MAN2A1: variants seen among roughly 807,000 people sequenced by gnomAD.
MAN2A1 encodes the protein alpha-mannosidase 2.
A neutral mutation model predicts 142.6 loss-of-function variants in MAN2A1; 76 were observed. That is an observed-to-expected ratio of 0.53 (90% confidence interval 0.44 to 0.65). MAN2A1 has a LOEUF of 0.65. Among genes scored for constraint, MAN2A1 ranks in the 30% least tolerant of loss-of-function variants. MAN2A1 has a pLI of 0.00. For synonymous variants in MAN2A1, 559 were observed against 473.2 expected, an observed-to-expected ratio of 1.18 and a Z score of -2.35; for missense variants, 1,311 against 1,365.1, an observed-to-expected ratio of 0.96 and a Z score of 0.62.
At chr5:109,804,832 A>G (rs1422159972) in intron 12 of MAN2A1, among the ~76,000 whole-genome samples, 1 of 152,158 alleles carries the variant, frequency 6.6e-6, no homozygotes, top group Admixed American at 6.5e-5. Flanking sequence ...CATCTTTGCC[A>G]TTTCTGTCCT....
rs766448055 is a variant in MAN2A1 at position 109,713,582 on chromosome 5, T to C, written c.198T>C (p.Asn66=). The C allele has an allele frequency of 3.7e-6, 6 of 1,613,380 alleles. No homozygotes were observed. The highest frequency in any genetic ancestry group is 3.3e-5 in the South Asian group (3 of 91,080). ...TGGAGCGTTTGCTAGCTGAGAATAATGAGATCATCTCAAATATTAGAGACT... is the reference window on the plus strand; with the variant it reads ...TGGAGCGTTTGCTAGCTGAGAATAACGAGATCATCTCAAATATTAGAGACT... ...DHLERLLAEN[N]EIISNIRDSV... The change falls in exon 2 of 22, where the codon AAT becomes AAC. Residue 66 remains asparagine, a synonymous_variant. Coordinates refer to ENST00000261483, the MANE Select transcript of MAN2A1 (RefSeq NM_002372.4).
intron 16 of MAN2A1, among the ~76,000 whole-genome samples, chr5:109,828,762 T>C (rs969148795): frequency 6.6e-6 from 1 of 152,224 alleles, no homozygotes; most frequent in Middle Eastern, 3.2e-3. Context: ...GTATTATATG[T>C]AATGGATCTT....
At chr5:109,853,706 A>G (rs1755539230) in intron 19 of MAN2A1, 1 of 152,174 alleles carries the variant, frequency 6.6e-6, no homozygotes, top group Non-Finnish European at 1.5e-5. Flanking sequence ...CCTAACTTAG[A>G]TTATGAAGTC....
intron 16 of MAN2A1, among the ~76,000 whole-genome samples, chr5:109,842,010 T>G (rs1304628318): frequency 6.6e-6 from 1 of 152,226 alleles, no homozygotes; most frequent in African/African-American, 2.4e-5. Context: ...TGGGCAGCCC[T>G]TTTTTCATTT....
chr5:109,756,062 G>A (rs1482678386), intron 5 of MAN2A1, among the ~76,000 whole-genome samples: 5 of 151,930 alleles, frequency 3.3e-5, no homozygotes, highest in Non-Finnish European at 5.9e-5. Flanking sequence ...CAGTTACTGT[G>A]TCCAGAGGTA....
chr5:109,848,296 G>A (rs1755392940), intron 19 of MAN2A1, among the ~76,000 whole-genome samples: 1 of 152,128 alleles, frequency 6.6e-6, no homozygotes. Context: ...GTGTTGAATG[G>A]TCTGGCAAAA....
At chr5:109,791,554 C>CT (rs959634400) in intron 12 of MAN2A1, among the ~76,000 whole-genome samples, 247 of 149,896 alleles carry the variant, frequency 1.6e-3, no homozygotes, top group African/African-American at 5.6e-3. Flanking sequence ...TAAGGGTTGG[C>CT]TTTTTTTTTA....
chr5:109,743,696 G>A (rs112814294), intron 4 of MAN2A1, among the ~76,000 whole-genome samples: 2,822 of 152,086 alleles, frequency 0.019, 33 homozygotes, highest in Middle Eastern at 0.071. Flanking sequence ...CTCTTGTCTC[G>A]TACTATTGTG....
intron 19 of MAN2A1, chr5:109,854,523 G>C (rs1403806485): frequency 6.6e-6 from 1 of 152,102 alleles, no homozygotes; most frequent in Non-Finnish European, 1.5e-5. Context: ...GATTTACCAA[G>C]TTGAAAGAAA....
intron 12 of MAN2A1, among the ~76,000 whole-genome samples, chr5:109,790,880 T>C (rs1231877071): frequency 2.0e-5 from 3 of 152,076 alleles, no homozygotes; most frequent in African/African-American, 7.2e-5. Context: ...GCTGGAACCA[T>C]AATAGGTCAG....
At chr5:109,801,387 G>A (rs986823287) in intron 12 of MAN2A1, among the ~76,000 whole-genome samples, 1 of 152,126 alleles carries the variant, frequency 6.6e-6, no homozygotes, top group Non-Finnish European at 1.5e-5. Context: ...TCCACATACT[G>A]GAATTCTAAT....
intron 4 of MAN2A1, among the ~76,000 whole-genome samples, chr5:109,741,832 C>A (rs1752276350): frequency 6.6e-6 from 1 of 152,122 alleles, no homozygotes; most frequent in South Asian, 2.1e-4. Flanking sequence ...TTTGTGTGAT[C>A]TGAAATAATT....
chr5:109,862,205 C>T lies in MAN2A1; in HGVS notation c.3172-2831C>T, dbSNP rs564379026. 7 of 152,244 alleles carry T rather than the reference C, an allele frequency of 4.6e-5. No homozygotes were observed. The East Asian group carries it at 7.7e-4, about 17-fold the overall frequency. The allele number at this position is 152,244 out of a possible 1,614,324, so 9.4% of individuals were successfully genotyped here. A position where few individuals can be genotyped will look rare whatever the true frequency, so the allele number is the denominator to read the frequency against. On this transcript the variant is annotated intron_variant, in intron 20 of 21. Transcript: ENST00000261483. ...TTTACTCAAAGTCACATAAATGGTT[C>T]ATGGTAGAAAAAATCATTGGTCTGA...
intron 16 of MAN2A1, among the ~76,000 whole-genome samples, chr5:109,824,711 G>GTA: frequency 6.6e-6 from 1 of 152,270 alleles, no homozygotes; most frequent in South Asian, 2.1e-4. Flanking sequence ...AAAGATAAAT[G>GTA]TATAGGTAGG....
Position 109,729,271 on chromosome 5 carries a change from A to G in MAN2A1, c.536-71A>G, listed in dbSNP as rs966656974. On this transcript the variant is annotated intron_variant, in intron 3 of 21. Coordinates refer to ENST00000261483, the MANE Select transcript of MAN2A1 (RefSeq NM_002372.4). ...ATTCTAACGATGTCCAAAGTAATGC[A>G]ATGGAATGTGACTGAGTTGAAATCA... 9.6e-6 allele frequency: 9 copies of G among 941,542 alleles called. No individual in the cohort carries two copies. In the African/African-American group the frequency reaches 1.5e-4, roughly 16 times the overall value. 58.3% of individuals were successfully genotyped at this position (941,542 alleles called of 1,614,324 possible). A position where few individuals can be genotyped will look rare whatever the true frequency, so the allele number is the denominator to read the frequency against.
intron 8 of MAN2A1, among the ~76,000 whole-genome samples, chr5:109,775,766 A>T (rs1301383092): frequency 2.0e-5 from 3 of 152,132 alleles, no homozygotes; most frequent in Admixed American, 6.6e-5. Flanking sequence ...CACCTAAAAA[A>T]CTAACAATAA....
chr5:109,843,785 ATC>A (rs1397484763), intron 17 of MAN2A1, among the ~76,000 whole-genome samples: 1 of 152,148 alleles, frequency 6.6e-6, no homozygotes, highest in East Asian at 1.9e-4. Flanking sequence ...TGTTACCTAA[ATC>A]TCTGTTTTCT....
At chr5:109,808,337 C>T (rs1437346609) in intron 12 of MAN2A1, among the ~76,000 whole-genome samples, 2 of 152,142 alleles carry the variant, frequency 1.3e-5, no homozygotes, top group Non-Finnish European at 2.9e-5. Flanking sequence ...GGATTTCTAG[C>T]ATATTCACTG....
At chr5:109,707,227 A>G (rs1189849628) in intron 1 of MAN2A1, among the ~76,000 whole-genome samples, 1 of 152,106 alleles carries the variant, frequency 6.6e-6, no homozygotes, top group African/African-American at 2.4e-5. Context: ...TTTCCTTCCC[A>G]TTCTTACCTA....
Sources: allele counts gnomAD v4.1 joint callset (sites outside exome capture counted in the v4.1 genomes callset), GRCh38; gene constraint gnomAD v4.1.1; transcripts MANE v1.5; gene names NCBI Gene and HGNC (gene_info 2026-07-23, HGNC 2026-07-21).